The following IMMP2L variants were observed in gnomAD, a reference collection of about 807,000 sequenced individuals.
The protein encoded by IMMP2L is mitochondrial inner membrane protease subunit 2.
IMMP2L carries 18 observed loss-of-function variants against 19.3 expected under a neutral mutation model. The observed-to-expected ratio is 0.93, with a 90% CI of 0.64 to 1.38. The LOEUF is 1.38. Ranked by LOEUF, IMMP2L falls within the 40% of genes most tolerant of loss-of-function variation. The pLI is 0.00. For synonymous variants in IMMP2L, 76 were observed against 73.0 expected, an observed-to-expected ratio of 1.04 and a Z score of -0.21; for missense variants, 233 against 218.2, an observed-to-expected ratio of 1.07 and a Z score of -0.43.
At chr7:111,148,364 A>T (rs1161766913) in intron 3 of IMMP2L, among the ~76,000 whole-genome samples, 1 of 152,060 alleles carries the variant, frequency 6.6e-6, no homozygotes, top group Non-Finnish European at 1.5e-5. Flanking sequence ...AGGGTAGAGG[A>T]AGGAATAGGG....
intron 3 of IMMP2L, among the ~76,000 whole-genome samples, chr7:111,364,178 C>T (rs1829539068): frequency 6.6e-6 from 1 of 152,058 alleles, no homozygotes; most frequent in African/African-American, 2.4e-5. Context: ...AAAGCAGGTG[C>T]TAAACATTAA....
chr7:110,721,580 AAC>A (rs1441659449), intron 5 of IMMP2L, among the ~76,000 whole-genome samples: 2 of 152,128 alleles, frequency 1.3e-5, no homozygotes, highest in African/African-American at 2.4e-5. Flanking sequence ...CAAACAAAAA[AAC>A]ACAATTCTAA....
Position 110,829,303 on chromosome 7 carries a change from C to A in IMMP2L, c.408+57290G>T, listed in dbSNP as rs115305610. On this transcript the variant is annotated intron_variant, in intron 5 of 5. Coordinates refer to ENST00000405709, the MANE Select transcript of IMMP2L (RefSeq NM_032549.4). ...ATAGAACATCATCTCCTTTATAATTCTCAGAGGAAGGAGAGCTTGGGGGAG... is the reference window on the plus strand; with the variant it reads ...ATAGAACATCATCTCCTTTATAATTATCAGAGGAAGGAGAGCTTGGGGGAG... Among the ~76,000 whole-genome samples the A allele has an allele frequency of 6.9e-3, 1,047 of 152,246 alleles. 8 individuals are homozygous for A. Among genetic ancestry groups the A allele is most frequent in the African/African-American group, 0.024 (987 of 41,560 alleles).
At chr7:111,424,214 T>G (rs900435994) in intron 3 of IMMP2L, among the ~76,000 whole-genome samples, 2 of 151,852 alleles carry the variant, frequency 1.3e-5, no homozygotes, top group Non-Finnish European at 2.9e-5. Context: ...AGGTACTTTC[T>G]ACTCATCACA....
intron 3 of IMMP2L, among the ~76,000 whole-genome samples, chr7:111,409,816 T>A (rs1313714870): frequency 1.3e-5 from 2 of 151,660 alleles, no homozygotes; most frequent in South Asian, 2.1e-4. Flanking sequence ...ATAAAGCTAT[T>A]TCAGATAGTG....
intron 3 of IMMP2L, among the ~76,000 whole-genome samples, chr7:110,969,272 C>A (rs913910696): frequency 6.6e-6 from 1 of 151,698 alleles, no homozygotes. Context: ...AATTCAATAC[C>A]GTTTCATTAA....
intron 3 of IMMP2L, among the ~76,000 whole-genome samples, chr7:111,185,465 G>A (rs1808165494): frequency 6.6e-6 from 1 of 152,132 alleles, no homozygotes; most frequent in African/African-American, 2.4e-5. Flanking sequence ...CAGGAGGCAT[G>A]AGGACTGAAG....
At chr7:111,462,672 A>C (rs1435890445) in intron 3 of IMMP2L, among the ~76,000 whole-genome samples, 1 of 152,102 alleles carries the variant, frequency 6.6e-6, no homozygotes, top group Non-Finnish European at 1.5e-5. Context: ...CTTAACTAGA[A>C]GTTCAACGAT....
intron 2 of IMMP2L, among the ~76,000 whole-genome samples, chr7:111,512,250 C>T (rs772572264): frequency 9.9e-5 from 15 of 152,074 alleles, no homozygotes; most frequent in Middle Eastern, 3.4e-3. Context: ...TCAAAAAAAT[C>T]TAGTAAGTAA....
At chr7:111,515,463 G>A (rs1845798221) in intron 2 of IMMP2L, among the ~76,000 whole-genome samples, 1 of 151,900 alleles carries the variant, frequency 6.6e-6, no homozygotes, top group South Asian at 2.1e-4. Context: ...ATCCCCATGT[G>A]GCCATTGAAA....
chr7:110,948,040 AC>A (rs1283055547), intron 4 of IMMP2L, among the ~76,000 whole-genome samples: 5 of 152,102 alleles, frequency 3.3e-5, no homozygotes, highest in African/African-American at 1.2e-4. Flanking sequence ...ATAAGGAAAA[AC>A]ATTTAATCAT....
intron 3 of IMMP2L, among the ~76,000 whole-genome samples, chr7:111,442,505 G>A (rs999128104): frequency 6.6e-6 from 1 of 151,572 alleles, no homozygotes; most frequent in Non-Finnish European, 1.5e-5. Flanking sequence ...TTTCATCAAT[G>A]CCAGAATATT....
At chr7:111,191,516 G>C (rs76231826) in intron 3 of IMMP2L, among the ~76,000 whole-genome samples, 1,714 of 150,988 alleles carry the variant, frequency 0.011, 17 homozygotes, top group South Asian at 0.026. Context: ...GCCTTGACTG[G>C]GAATGACTTT....
At chr7:111,499,303 G>A (rs952488330) in intron 2 of IMMP2L, among the ~76,000 whole-genome samples, 37 of 152,078 alleles carry the variant, frequency 2.4e-4, no homozygotes, top group African/African-American at 6.5e-4. Flanking sequence ...TGGGGGATGG[G>A]GTAGACAGGG....
rs1794629160 is a variant in IMMP2L, at chr7:111,067,674, G to A, written c.240-104109C>T. ...CAATACAGAAAAGCACTATTTCGTA[G>A]GAAAACTGATGCTCAAAGAGACTAT... On this transcript the variant is annotated intron_variant, in intron 3 of 5. Transcript: ENST00000405709. Among the ~76,000 whole-genome samples, 3 of 152,118 alleles carry A rather than the reference G, an allele frequency of 2.0e-5. No homozygotes were observed. The South Asian group carries it at 6.2e-4, about 31-fold the overall frequency.
intron 5 of IMMP2L, among the ~76,000 whole-genome samples, chr7:110,851,707 C>A (rs1018412035): frequency 1.3e-5 from 2 of 152,066 alleles, no homozygotes; most frequent in African/African-American, 4.8e-5. Flanking sequence ...GACACAAAAG[C>A]CTTTACCTTA....
chr7:111,188,237 T>C (rs188622791), intron 3 of IMMP2L, among the ~76,000 whole-genome samples: 1 of 152,272 alleles, frequency 6.6e-6, no homozygotes, highest in Non-Finnish European at 1.5e-5. Flanking sequence ...AGTCAATTCA[T>C]GGTGCTCCTG....
intron 3 of IMMP2L, among the ~76,000 whole-genome samples, chr7:111,083,727 G>T (rs1343093662): frequency 6.6e-6 from 1 of 152,006 alleles, no homozygotes; most frequent in Non-Finnish European, 1.5e-5. Context: ...ATGTGTGCAG[G>T]GTCTACCAAG....
chr7:111,096,997 A>G (rs1236317664), intron 3 of IMMP2L: 1 of 151,918 alleles, frequency 6.6e-6, no homozygotes, highest in African/African-American at 2.4e-5. Flanking sequence ...AAAATCTTCT[A>G]AAGTTTGTCA....
Sources: allele counts gnomAD v4.1 joint callset (sites outside exome capture counted in the v4.1 genomes callset), GRCh38; gene constraint gnomAD v4.1.1; transcripts MANE v1.5; gene names NCBI Gene and HGNC (gene_info 2026-07-23, HGNC 2026-07-21).